DDX10: variants seen among roughly 807,000 people sequenced by gnomAD.
The protein encoded by DDX10 is probable ATP-dependent RNA helicase DDX10.
A neutral mutation model predicts 104.3 loss-of-function variants in DDX10; 74 were observed. That is an observed-to-expected ratio of 0.71 (90% CI 0.59 to 0.86). The LOEUF is 0.86. DDX10 is among the 40% of genes least tolerant of loss of function. The pLI is 0.00. For synonymous variants in DDX10, 351 were observed against 353.4 expected, an observed-to-expected ratio of 0.99 and a Z score of 0.08; for missense variants, 952 against 1,040.0, an observed-to-expected ratio of 0.92 and a Z score of 1.16.
chr11:108,811,775 A>G (rs527279315), intron 13 of DDX10, among the ~76,000 whole-genome samples: 28 of 151,786 alleles, frequency 1.8e-4, no homozygotes, highest in African/African-American at 5.5e-4. Flanking sequence ...CCAGTTTCCC[A>G]TTGCTTAATA....
At chr11:108,888,523 ACTTGT>A (rs1310224748) in intron 16 of DDX10, among the ~76,000 whole-genome samples, 2 of 152,118 alleles carry the variant, frequency 1.3e-5, no homozygotes, top group Non-Finnish European at 2.9e-5. Context: ...TGTTAATATT[ACTTGT>A]CTTGACTATT....
chr11:108,857,312 G>A (rs1862883696), intron 16 of DDX10, among the ~76,000 whole-genome samples: 1 of 152,186 alleles, frequency 6.6e-6, no homozygotes, highest in African/African-American at 2.4e-5. Context: ...CTAGAAGGCA[G>A]GCTATGTCTT....
intron 13 of DDX10, among the ~76,000 whole-genome samples, chr11:108,738,737 T>A (rs1259616312): frequency 6.6e-6 from 1 of 152,196 alleles, no homozygotes; most frequent in Non-Finnish European, 1.5e-5. Context: ...AGACTTTTTC[T>A]AGGTTTCAAG....
At chr11:108,752,414 G>A (rs1484726988) in intron 13 of DDX10, among the ~76,000 whole-genome samples, 1 of 152,110 alleles carries the variant, frequency 6.6e-6, no homozygotes, top group African/African-American at 2.4e-5. Context: ...TGAATTGGGT[G>A]GAGGTGGCTC....
intron 15 of DDX10, among the ~76,000 whole-genome samples, chr11:108,844,937 C>T (rs1034511458): frequency 6.6e-6 from 1 of 152,150 alleles, no homozygotes; most frequent in African/African-American, 2.4e-5. Flanking sequence ...TGGCTCACGC[C>T]TGTAATCCCA....
At chr11:108,800,482 G>A (rs1043419838) in intron 13 of DDX10, among the ~76,000 whole-genome samples, 4 of 144,810 alleles carry the variant, frequency 2.8e-5, no homozygotes, top group East Asian at 4.1e-4. Context: ...AACATATACT[G>A]CCTTGTTCTC....
chr11:108,906,119 G>A (rs1863593793), intron 16 of DDX10, among the ~76,000 whole-genome samples: 1 of 151,926 alleles, frequency 6.6e-6, no homozygotes, highest in Non-Finnish European at 1.5e-5. Flanking sequence ...TAATATTTTA[G>A]TCATCAAACT....
At chr11:108,937,373 A>C (rs1321575938) in intron 17 of DDX10, among the ~76,000 whole-genome samples, 1 of 152,210 alleles carries the variant, frequency 6.6e-6, no homozygotes, top group Non-Finnish European at 1.5e-5. Flanking sequence ...AACCCTATTA[A>C]AAAATCGGTT....
At chr11:108,726,829 T>G (rs555503842) in intron 13 of DDX10, among the ~76,000 whole-genome samples, 2 of 152,186 alleles carry the variant, frequency 1.3e-5, no homozygotes, top group East Asian at 3.9e-4. Flanking sequence ...AAGTTTTTTT[T>G]GTAAATGCCT....
intron 9 of DDX10, among the ~76,000 whole-genome samples, chr11:108,699,873 A>G (rs1275737503): frequency 6.6e-6 from 1 of 152,208 alleles, no homozygotes; most frequent in East Asian, 1.9e-4. Context: ...TTTCTTGCCA[A>G]ATTAGGGCAT....
intron 13 of DDX10, among the ~76,000 whole-genome samples, chr11:108,731,076 G>A (rs1229648050): frequency 6.6e-6 from 1 of 151,154 alleles, no homozygotes; most frequent in African/African-American, 2.4e-5. Flanking sequence ...TTTTGAGACG[G>A]AGTCTCGCTG....
intron 15 of DDX10, among the ~76,000 whole-genome samples, chr11:108,851,829 G>T (rs1862796891): frequency 6.6e-6 from 1 of 151,922 alleles, no homozygotes; most frequent in East Asian, 1.9e-4. Context: ...GAAATTCCAA[G>T]TAATCTCTAG....
chr11:108,872,820 T>TCTCCCCCCC (rs568368935), intron 16 of DDX10, among the ~76,000 whole-genome samples: 1 of 145,114 alleles, frequency 6.9e-6, no homozygotes, highest in Non-Finnish European at 1.5e-5. Context: ...TAATTTCCGT[T>TCTCCCCCCC]CCCCCCCCCT....
chr11:108,819,252 T>G (rs527889779), intron 13 of DDX10, among the ~76,000 whole-genome samples: 11 of 152,198 alleles, frequency 7.2e-5, no homozygotes, highest in African/African-American at 2.4e-5. Flanking sequence ...ACCTTTCCTG[T>G]TTTTTCTCCC....
chr11:108,917,784 G>C, intron 16 of DDX10, 89 bp from the exon 17 acceptor site: 1 of 1,302,648 alleles, frequency 7.7e-7, no homozygotes. Context: ...ATGTCAATTA[G>C]AGGGATATCC....
chr11:108,754,150 C>T (rs1415321607), intron 13 of DDX10, among the ~76,000 whole-genome samples: 4 of 151,974 alleles, frequency 2.6e-5, no homozygotes, highest in East Asian at 1.9e-4. Flanking sequence ...TTTGATTCTG[C>T]TGTGTTGTCG....
intron 13 of DDX10, among the ~76,000 whole-genome samples, chr11:108,806,419 A>C (rs1862101895): frequency 6.6e-6 from 1 of 152,286 alleles, no homozygotes; most frequent in Non-Finnish European, 1.5e-5. Flanking sequence ...TTTGGTATGT[A>C]GGATATCCAT....
chr11:108,848,981 C>T (rs1862756732), intron 15 of DDX10, among the ~76,000 whole-genome samples: 1 of 152,100 alleles, frequency 6.6e-6, no homozygotes, highest in South Asian at 2.1e-4. Flanking sequence ...TCAGTGTTTC[C>T]ACATCAATTT....
At chr11:108,745,441 C>G (rs2094330711) in intron 13 of DDX10, among the ~76,000 whole-genome samples, 1 of 151,792 alleles carries the variant, frequency 6.6e-6, no homozygotes, top group Admixed American at 6.6e-5. Flanking sequence ...GGGGTTTCAC[C>G]ATGTTGCCCA....
Sources: allele counts gnomAD v4.1 joint callset (sites outside exome capture counted in the v4.1 genomes callset), GRCh38; gene constraint gnomAD v4.1.1; transcripts MANE v1.5; gene names NCBI Gene and HGNC (gene_info 2026-07-23, HGNC 2026-07-21).